The following AURKB variants were observed in gnomAD, a reference collection of about 807,000 sequenced individuals.
The protein encoded by AURKB is aurora kinase B-Sv1.
A neutral mutation model predicts 36.5 loss-of-function variants in AURKB; 28 were observed. The ratio of observed to expected loss-of-function variants is 0.77; its 90% CI spans 0.57 to 1.05. The LOEUF (loss-of-function observed/expected upper bound fraction) is 1.05, where lower values mean the gene tolerates loss of function less well. Ranked by LOEUF, AURKB falls within the 50% of genes least tolerant of loss-of-function variation. The pLI is 0.00. For missense variants in AURKB, 383 were observed against 447.4 expected, an observed-to-expected ratio of 0.86 and a Z score of 1.30; for synonymous variants, 175 against 172.9, an observed-to-expected ratio of 1.01 and a Z score of -0.09.
rs1444417079 is a variant in AURKB at position 8,205,272 on chromosome 17, C to T, written c.805G>A (p.Gly269Arg). ...IGVLCYELLV[G>R]NPPFESASHN... ...GATGCACTCTCAAAGGGTGGGTTCC[C>T]CACCAGCAGCTCATAGCAAAGCACT... Residue 269 changes from glycine to arginine, a missense_variant, in exon 8 of 9, where the codon GGG becomes AGG. Physicochemically the swap from Gly to Arg is moderately radical, Grantham distance 125. This residue lies in a region of AURKB where 219 missense variants were observed against 252.6 expected (regional missense o/e 0.87). Coordinates refer to ENST00000585124, the MANE Select transcript of AURKB (RefSeq NM_004217.4). 1 of 1,614,166 alleles carries T rather than the reference C, an allele frequency of 6.2e-7. No individual in the cohort carries two copies. The highest frequency in any genetic ancestry group is 1.1e-5 in the South Asian group (1 of 91,088).
At chr17:8,208,985 C>G (rs1477393627) in intron 2 of AURKB, among the ~76,000 whole-genome samples, 1 of 151,496 alleles carries the variant, frequency 6.6e-6, no homozygotes, top group Non-Finnish European at 1.5e-5. Context: ...AAGAGCTACC[C>G]TGATGGCCCT....
intron 2 of AURKB, among the ~76,000 whole-genome samples, chr17:8,208,447 C>A (rs971683491): frequency 6.4e-5 from 9 of 141,446 alleles, no homozygotes; most frequent in African/African-American, 2.4e-4. Flanking sequence ...AAAAATTAGC[C>A]AGGTGTGGTG....
Position 8,206,682 on chromosome 17 carries a change from C to T in AURKB, c.538-43G>A, listed in dbSNP as rs957036560. 1.2e-6 allele frequency: 2 copies of T among 1,613,676 alleles called. No homozygotes were observed. The highest frequency in any genetic ancestry group is 1.7e-5 in the Admixed American group (1 of 60,026). ...AGGCAATCAGACAAGGATGGACCTC[C>T]AGCTACAAGCAGCACACCCTCAGCC... On this transcript the variant is annotated intron_variant, in intron 6 of 8. Transcript: ENST00000585124. This position sits in a 1 kb window ranked among gnomAD's most constrained non-coding sequence, Gnocchi z 4.2.
chr17:8,207,366 G>A lies in AURKB; in HGVS notation c.208C>T (p.Arg70Trp), dbSNP rs141907099. The change falls in exon 5 of 9, where the codon CGG (arginine) becomes TGG (tryptophan). Residue 70 changes from arginine to tryptophan, a missense_variant and splice_region_variant. Coordinates refer to ENST00000585124, the MANE Select transcript of AURKB (RefSeq NM_004217.4). ...NSSGTPDILT[R>W]HFTIDDFEIG... is the part of the protein sequence containing the mutation. ...TCAAAGTCATCAATTGTGAAGTGCC[G>A]CCTGCTTAGAAAGTGGAGGAAGGCA... The A allele has an allele frequency of 1.4e-5, 22 of 1,611,630 alleles. No homozygotes were observed. The highest frequency in any genetic ancestry group is 5.5e-5 in the South Asian group (5 of 91,018).
intron 2 of AURKB, 63 bp downstream of exon 2, chr17:8,210,114 T>A: frequency 1.3e-6 from 2 of 1,586,122 alleles, no homozygotes; most frequent in Non-Finnish European, 8.6e-7. Context: ...GGATCTCAAG[T>A]TTCCCAGCAG....
rs771314452 is a variant in AURKB at position 8,205,337 on chromosome 17, C to T, written c.740G>A (p.Gly247Glu). 2 of 1,614,190 alleles carry T rather than the reference C, an allele frequency of 1.2e-6. No individual in the cohort carries two copies. The highest frequency in any genetic ancestry group is 4.5e-5 in the East Asian group (2 of 44,880). ...LDYLPPEMIEGRMHNEKVDLW... is the reference protein window; with the variant it reads ...LDYLPPEMIEERMHNEKVDLW... Reference sequence around the variant, plus strand: ...ATCCACCTTCTCATTGTGCATGCGCCCCTCAATCATCTCTGGGGGCAGGTA... The same window carrying T: ...ATCCACCTTCTCATTGTGCATGCGCTCCTCAATCATCTCTGGGGGCAGGTA... The change falls in exon 8 of 9, where the codon GGG becomes GAG. Residue 247 changes from glycine (G) to glutamate (E), a missense_variant. Transcript: ENST00000585124.
At chr17:8,207,492 G>A in intron 4 of AURKB, 79 bp downstream of exon 4, 2 of 1,575,310 alleles carry the variant, frequency 1.3e-6, no homozygotes, top group African/African-American at 1.3e-5. Context: ...CTCCTCCCGT[G>A]CTTAGGTTTT....
intron 4 of AURKB, 55 bp from the exon 5 acceptor site, chr17:8,207,422 T>C: frequency 6.3e-7 from 1 of 1,586,048 alleles, no homozygotes; most frequent in Non-Finnish European, 8.6e-7. Flanking sequence ...ATTAAGAGGT[T>C]TGCTTTCTCT....
chr17:8,207,498 G>GT, intron 4 of AURKB, 73 bp downstream of exon 4: 1 of 1,583,718 alleles, frequency 6.3e-7, no homozygotes, highest in Non-Finnish European at 8.6e-7. Flanking sequence ...CCGTGCTTAG[G>GT]TTTTATCTCC....
rs1035645803 is a variant in AURKB, at chr17:8,210,406, C to T, written c.-26+124G>A. On this transcript the variant is annotated intron_variant, in intron 1 of 8. Coordinates refer to ENST00000585124, the MANE Select transcript of AURKB (RefSeq NM_004217.4). ...GGGCGCTGGTCTCACCGCCCCCGCC[C>T]TGCTATCGTCCCTACCTCCTTCCAG... The T allele has an allele frequency of 6.3e-6, 4 of 636,412 alleles. No individual in the cohort carries two copies. The African/African-American group carries it at 7.5e-5, about 12-fold the overall frequency. 39.4% of individuals were successfully genotyped at this position (636,412 alleles called of 1,614,324 possible).
chr17:8,208,867 C>A (rs1985750550), intron 2 of AURKB, among the ~76,000 whole-genome samples: 1 of 152,136 alleles, frequency 6.6e-6, no homozygotes, highest in African/African-American at 2.4e-5. Flanking sequence ...TTCTCAAAGT[C>A]TCCTAAAAAG....
At chr17:8,205,768 C>T (rs1985177991) in intron 7 of AURKB, among the ~76,000 whole-genome samples, 1 of 151,894 alleles carries the variant, frequency 6.6e-6, no homozygotes. Flanking sequence ...GGCCACTGCT[C>T]CGGGCTTTTT....
At position 8,205,013 on chromosome 17, in the gene AURKB, A is replaced by G. The variant is rs1059476; in HGVS notation, c.893T>C (p.Met298Thr). The change falls in exon 9 of 9, where the codon ATG becomes ACG. Residue 298 changes from methionine to threonine, a missense_variant. Met to Thr is a moderately conservative substitution (Grantham distance 81). Around this residue, in one of 3 missense-constraint regions of AURKB, gnomAD observed 219 missense variants for 252.6 expected, o/e 0.87. Transcript: ENST00000585124. ...TTTGGAGATGAGGTCCTGGGCTCCC[A>G]TGGGCACGGAAGCGGGGAACTTTAG... ...VDLKFPASVP[M>T]GAQDLISKLL... 0.86 allele frequency: 1,373,398 copies of G among 1,594,032 alleles called. 595,511 individuals are homozygous for G. The highest frequency in any genetic ancestry group is 0.89 in the Non-Finnish European group (1,040,307 of 1,172,444).
chr17:8,206,833 A>C lies in AURKB; in HGVS notation c.454T>G (p.Leu152Val), dbSNP rs1985370905. ...NYFYDRRRIY[L>V]ILEYAPRGEL... ...CCGCGGGGGGCATACTCTAGAATCAAGTAGATCCTCCTCCGGTCATAAAAA... is the reference window on the plus strand; with the variant it reads ...CCGCGGGGGGCATACTCTAGAATCACGTAGATCCTCCTCCGGTCATAAAAA... The change falls in exon 6 of 9, where the codon TTG (leucine) becomes GTG (valine). Residue 152 changes from leucine to valine, a missense_variant. By Grantham distance (32) the Leu-to-Val change is conservative. Coordinates refer to ENST00000585124, the MANE Select transcript of AURKB (RefSeq NM_004217.4). This position sits in a 1 kb window ranked among gnomAD's most constrained non-coding sequence, Gnocchi z 4.2. 1 of 1,614,226 alleles carries C rather than the reference A, an allele frequency of 6.2e-7. No individual in the cohort carries two copies. The highest frequency in any genetic ancestry group is 2.2e-5 in the East Asian group (1 of 44,886).
chr17:8,208,899 T>C (rs1264490603), intron 2 of AURKB, among the ~76,000 whole-genome samples: 1 of 152,238 alleles, frequency 6.6e-6, no homozygotes. Flanking sequence ...AAGGCTTAGA[T>C]AAGATGCTTG....
In AURKB at chr17:8,206,655, A is replaced by T; in HGVS notation, c.538-16T>A. On this transcript the variant is annotated splice_polypyrimidine_tract_variant and intron_variant, in intron 6 of 8. Transcript: ENST00000585124. This position sits in a 1 kb window ranked among gnomAD's most constrained non-coding sequence, Gnocchi z 4.2. Reference sequence around the variant, plus strand: ...CCTCCATGATCTGGGAGGGGCAACGACAGGCAATCAGACAAGGATGGACCT... The same window carrying T: ...CCTCCATGATCTGGGAGGGGCAACGTCAGGCAATCAGACAAGGATGGACCT... The T allele has an allele frequency of 2.5e-6, 4 of 1,614,112 alleles. No individual in the cohort carries two copies. Among genetic ancestry groups the T allele is most frequent in the African/African-American group, 1.3e-5 (1 of 75,052 alleles).
chr17:8,206,941 A>G lies in AURKB; in HGVS notation c.399-53T>C. Reference sequence around the variant, plus strand: ...GGCCAAAGGCATAAAAGAGCTGGAAAAGATGATAGGAGCAAACTGGGGTCA... The same window carrying G: ...GGCCAAAGGCATAAAAGAGCTGGAAGAGATGATAGGAGCAAACTGGGGTCA... On this transcript the variant is annotated intron_variant, in intron 5 of 8. Coordinates refer to ENST00000585124, the MANE Select transcript of AURKB (RefSeq NM_004217.4). The surrounding 1 kb of genome is among the most constrained non-coding windows in gnomAD (Gnocchi z 4.2). 6.2e-7 allele frequency: 1 copy of G among 1,612,372 alleles called. No homozygotes were observed. Among genetic ancestry groups the G allele is most frequent in the Non-Finnish European group, 8.5e-7 (1 of 1,179,756 alleles).
chr17:8,209,905 T>C, intron 2 of AURKB: 1 of 543,618 alleles, frequency 1.8e-6, no homozygotes, highest in South Asian at 2.3e-5. Context: ...CCCTGCCTGC[T>C]CAGTCCCAGA....
chr17:8,206,730 A>C lies in AURKB; in HGVS notation c.537+20T>G. 6.2e-7 allele frequency: 1 copy of C among 1,612,694 alleles called. No individual in the cohort carries two copies. The highest frequency in any genetic ancestry group is 1.3e-5 in the African/African-American group (1 of 75,028). ...GCCTCGAGCCCCCTACTGGCGCCCC[A>C]GGTGCCCACCCGCCCGGACCGTGGC... On this transcript the variant is annotated intron_variant, in intron 6 of 8. Coordinates refer to ENST00000585124, the MANE Select transcript of AURKB (RefSeq NM_004217.4). This position sits in a 1 kb window ranked among gnomAD's most constrained non-coding sequence, Gnocchi z 4.2.
Sources: gnomAD v4.1 joint callset for allele counts (sites outside exome capture counted in the v4.1 genomes callset) on GRCh38, gnomAD v4.1.1 for gene constraint, gnomAD v4.1.1 regional missense constraint, Gnocchi (gnomAD v3.1) non-coding constraint, MANE v1.5 for transcripts, NCBI Gene and HGNC (gene_info 2026-07-23, HGNC 2026-07-21) for gene names.